Variants in NAALADL2 observed in about 807,000 individuals in gnomAD.
NAALADL2 encodes N-acetylated alpha-linked acidic dipeptidase like 2, also known as inactive N-acetylated-alpha-linked acidic dipeptidase-like protein 2.
Under a neutral mutation model 87.2 loss-of-function variants are expected in NAALADL2, and 76 were observed. The ratio of observed to expected loss-of-function variants is 0.87; its 90% confidence interval spans 0.72 to 1.05. The LOEUF is 1.05. Among genes scored for constraint, NAALADL2 ranks in the 50% least tolerant of loss-of-function variants. The probability of loss-of-function intolerance (pLI) is 0.00; values close to 1 mark genes in which losing one functional copy is unlikely to be tolerated. For synonymous variants in NAALADL2, 354 were observed against 331.0 expected (o/e 1.07, Z -0.75); for missense variants, 1,089 against 945.8 (o/e 1.15, Z -1.99).
chr3:174,828,167 C>CATACAACACAACACA (rs1553866755), intron 3 of NAALADL2, among the ~76,000 whole-genome samples: 1 of 151,576 alleles, frequency 6.6e-6, no homozygotes, highest in African/African-American at 2.4e-5. Context: ...AAACCAACCA[C>CATACAACACAACACA]ACACAACACA....
chr3:174,886,209 C>T (rs1003794522), intron 1 of NAALADL2, among the ~76,000 whole-genome samples: 22 of 151,926 alleles, frequency 1.4e-4, no homozygotes, highest in African/African-American at 3.9e-4. Context: ...CACTATGCCC[C>T]GCCTGTCGGA....
intron 10 of NAALADL2, among the ~76,000 whole-genome samples, chr3:175,610,866 G>A (rs189385384): frequency 4.6e-5 from 7 of 151,958 alleles, no homozygotes; most frequent in South Asian, 4.1e-4. Flanking sequence ...CATTGTTCTC[G>A]TTTAATAATA....
At chr3:175,321,048 G>A (rs1320466160) in intron 4 of NAALADL2, among the ~76,000 whole-genome samples, 4 of 151,192 alleles carry the variant, frequency 2.6e-5, no homozygotes, top group Non-Finnish European at 5.9e-5. Flanking sequence ...GAGAATTTTA[G>A]ACCAATATCC....
rs1457997355 is a variant in NAALADL2 at position 174,642,786 on chromosome 3, A to T, written c.-115+92149A>T. The stretch of plus-strand genomic sequence containing the variant: ...TATATATATATATATATATATATAT[A>T]TATGTTTTTTTTCATGAAACTGGAT... On this transcript the variant is annotated intron_variant, in intron 2 of 3. Transcript: ENST00000434257. Among the ~76,000 whole-genome samples, 200 of 79,090 alleles carry T rather than the reference A, an allele frequency of 2.5e-3. 2 individuals carry two copies. The highest frequency in any genetic ancestry group is 0.012 in the African/African-American group (196 of 16,340). The allele number at this position is 79,090 out of a possible 152,430, so 51.9% of individuals were successfully genotyped here.
chr3:174,910,089 CAG>C (rs1733500516), intron 1 of NAALADL2, among the ~76,000 whole-genome samples: 1 of 152,006 alleles, frequency 6.6e-6, no homozygotes, highest in South Asian at 2.1e-4. Context: ...TTGTGTTCAT[CAG>C]AGATTTTAAT....
At chr3:175,168,975 G>T (rs955852394) in intron 2 of NAALADL2, among the ~76,000 whole-genome samples, 1 of 151,594 alleles carries the variant, frequency 6.6e-6, no homozygotes, top group African/African-American at 2.4e-5. Flanking sequence ...AGCAAAACAG[G>T]ATAGCTGTAC....
At chr3:174,918,819 C>T (rs1339799639) in intron 1 of NAALADL2, among the ~76,000 whole-genome samples, 1 of 152,088 alleles carries the variant, frequency 6.6e-6, no homozygotes, top group African/African-American at 2.4e-5. Context: ...CCATGAGTTG[C>T]ATTGCAAAGT....
intron 9 of NAALADL2, among the ~76,000 whole-genome samples, chr3:175,494,111 CTG>C (rs143725163): frequency 0.1 from 15,451 of 151,962 alleles, 982 homozygotes; most frequent in African/African-American, 0.17. Flanking sequence ...GGAAATTATA[CTG>C]TGAGTTTTAT....
Position 175,523,767 on chromosome 3 carries a change from G to A in NAALADL2, c.1653+52009G>A, listed in dbSNP as rs552403741. Among the ~76,000 whole-genome samples, 39 of 152,304 alleles carry A rather than the reference G, an allele frequency of 2.6e-4. 1 individual carries two copies. The South Asian group carries it at 8.1e-3, about 32-fold the overall frequency. ...TTTAAAGAGAGTGACGGAGCGAGTG[G>A]TTTGGCAGGAAAAATGGTTATGACA... On this transcript the variant is annotated intron_variant, in intron 9 of 13. Coordinates refer to ENST00000454872, the MANE Select transcript of NAALADL2 (RefSeq NM_207015.3).
intron 1 of NAALADL2, among the ~76,000 whole-genome samples, chr3:175,019,533 C>A (rs1751299693): frequency 6.6e-6 from 1 of 151,914 alleles, no homozygotes; most frequent in South Asian, 2.1e-4. Flanking sequence ...ATGTACTTAT[C>A]CTTGCTCCCA....
intron 1 of NAALADL2, among the ~76,000 whole-genome samples, chr3:174,891,289 C>T (rs975750001): frequency 6.6e-6 from 1 of 151,708 alleles, no homozygotes; most frequent in Non-Finnish European, 1.5e-5. Context: ...ATCCCTTACC[C>T]ACAAGGATAC....
chr3:175,783,541 T>C lies in NAALADL2; in HGVS notation c.2190-19464T>C, dbSNP rs1751457951. 2.6e-5 allele frequency among the ~76,000 whole-genome samples: 4 copies of C among 151,144 alleles called. No homozygotes were observed. The South Asian group carries it at 8.3e-4, about 31-fold the overall frequency. On this transcript the variant is annotated intron_variant, in intron 13 of 13. Coordinates refer to ENST00000454872, the MANE Select transcript of NAALADL2 (RefSeq NM_207015.3). ...TGTATAAGAATGCTTGTGATTTTTG[T>C]ACATTGATTTTTTATCCTGAGACTT...
At chr3:175,412,764 CTT>C (rs375186979) in intron 5 of NAALADL2, among the ~76,000 whole-genome samples, 72 of 151,416 alleles carry the variant, frequency 4.8e-4, no homozygotes, top group African/African-American at 1.7e-3. Flanking sequence ...TTTTCTGTAT[CTT>C]GTGTTAAATT....
intron 1 of NAALADL2, among the ~76,000 whole-genome samples, chr3:174,475,361 A>G (rs188496615): frequency 3.6e-4 from 54 of 152,098 alleles, no homozygotes; most frequent in African/African-American, 1.3e-3. Flanking sequence ...CATCATACTT[A>G]GAATACATTT....
At chr3:175,109,117 C>T (rs925909507) in intron 2 of NAALADL2, among the ~76,000 whole-genome samples, 7 of 151,696 alleles carry the variant, frequency 4.6e-5, no homozygotes, top group African/African-American at 1.7e-4. Context: ...TAATTAAAAT[C>T]GCATACAAAC....
chr3:175,549,655 T>C (rs1714009474), intron 9 of NAALADL2, among the ~76,000 whole-genome samples: 1 of 152,032 alleles, frequency 6.6e-6, no homozygotes, highest in African/African-American at 2.4e-5. Flanking sequence ...TGTGAACTAA[T>C]GTCAATAATT....
chr3:174,975,559 C>T (rs1744252879), intron 1 of NAALADL2, among the ~76,000 whole-genome samples: 1 of 152,270 alleles, frequency 6.6e-6, no homozygotes, highest in Non-Finnish European at 1.5e-5. Flanking sequence ...GCCGCCCCCC[C>T]ACCTACCTTG....
chr3:174,512,748 T>C (rs1719680930), intron 1 of NAALADL2, among the ~76,000 whole-genome samples: 1 of 152,098 alleles, frequency 6.6e-6, no homozygotes, highest in Non-Finnish European at 1.5e-5. Context: ...TCTTGGAGAC[T>C]GCATGGGGAT....
chr3:174,781,859 C>T (rs1331443978), intron 3 of NAALADL2, among the ~76,000 whole-genome samples: 4 of 151,984 alleles, frequency 2.6e-5, no homozygotes, highest in Admixed American at 2.6e-4. Flanking sequence ...CAGGCTGTAG[C>T]AGACAGAGAC....
Sources: allele counts gnomAD v4.1 joint callset (sites outside exome capture counted in the v4.1 genomes callset), GRCh38; gene constraint gnomAD v4.1.1; transcripts MANE v1.5; gene names NCBI Gene and HGNC (gene_info 2026-07-23, HGNC 2026-07-21).